HK2: variants seen among roughly 807,000 people sequenced by gnomAD.
The protein encoded by HK2 is hexokinase-2.
HK2 carries 42 observed loss-of-function variants against 92.9 expected under a neutral mutation model. The ratio of observed to expected loss-of-function variants is 0.45; its 90% confidence interval spans 0.35 to 0.58. HK2 has a LOEUF of 0.58. Among genes scored for constraint, HK2 ranks in the 20% least tolerant of loss-of-function variants. The pLI is 0.00. For missense variants in HK2, 978 were observed against 1,245.1 expected, an observed-to-expected ratio of 0.79 and a Z score of 3.23; for synonymous variants, 422 against 468.0, an observed-to-expected ratio of 0.90 and a Z score of 1.27.
chr2:74,853,080 T>G (rs1354310547), intron 1 of HK2, among the ~76,000 whole-genome samples: 1 of 152,092 alleles, frequency 6.6e-6, no homozygotes, highest in Non-Finnish European at 1.5e-5. Context: ...GAGAGAGGCC[T>G]GAAGGAGTGG....
intron 12 of HK2, among the ~76,000 whole-genome samples, chr2:74,883,212 A>G (rs1689444458): frequency 1.3e-5 from 2 of 152,200 alleles, no homozygotes; most frequent in Non-Finnish European, 2.9e-5. Context: ...ACTGCTAGGT[A>G]TAAAAGGCAT....
Position 74,885,576 on chromosome 2 carries a change from T to C in HK2, c.1922T>C (p.Ile641Thr). 1 of 1,612,290 alleles carries C rather than the reference T, an allele frequency of 6.2e-7. No individual in the cohort carries two copies. The highest frequency in any genetic ancestry group is 8.5e-7 in the Non-Finnish European group (1 of 1,178,520). Reference sequence around the variant, plus strand: ...GTGGTGACCCTGCTGAAGGAAGCGATCCACCGGCGAGAGGTAGGAGACACA... The same window carrying C: ...GTGGTGACCCTGCTGAAGGAAGCGACCCACCGGCGAGAGGTAGGAGACACA... ...EDVVTLLKEA[I>T]HRREEFDLDV... is the part of the protein sequence containing the mutation. The change falls in exon 13 of 18, where the codon ATC (isoleucine) becomes ACC (threonine). Residue 641 changes from isoleucine to threonine, a missense_variant. This residue lies in a region of HK2 where 742 missense variants were observed against 922.5 expected (regional missense o/e 0.80). Coordinates refer to ENST00000290573, the MANE Select transcript of HK2 (RefSeq NM_000189.5).
At chr2:74,889,653 C>T (rs996845851) in intron 17 of HK2, among the ~76,000 whole-genome samples, 175 bp downstream of exon 17, 2 of 152,112 alleles carry the variant, frequency 1.3e-5, no homozygotes, top group Non-Finnish European at 2.9e-5. Context: ...CTGTGTTTCA[C>T]CCCCCACCGT....
At chr2:74,880,050 T>C (rs1034319252) in intron 9 of HK2, among the ~76,000 whole-genome samples, 19 of 152,190 alleles carry the variant, frequency 1.2e-4, no homozygotes, top group Non-Finnish European at 2.2e-4. Context: ...TTTCCTTTCA[T>C]TGGCGGGGGT....
At chr2:74,856,495 G>C (rs1258906497) in intron 2 of HK2, among the ~76,000 whole-genome samples, 1 of 152,102 alleles carries the variant, frequency 6.6e-6, no homozygotes, top group African/African-American at 2.4e-5. Context: ...ACCCACTTCT[G>C]AGATTTTTAT....
chr2:74,853,696 CAA>C, intron 1 of HK2, among the ~76,000 whole-genome samples: 1 of 139,208 alleles, frequency 7.2e-6, no homozygotes, highest in South Asian at 2.3e-4. Flanking sequence ...GATACCCTGT[CAA>C]AAAAAAAAAA....
At chr2:74,867,969 C>T in intron 3 of HK2, 185 bp downstream of exon 3, 4 of 673,040 alleles carry the variant, frequency 5.9e-6, no homozygotes, top group South Asian at 3.0e-5. Context: ...TATTTTATAC[C>T]CAACATGTAC....
At chr2:74,878,529 TCCTGCC>T (rs1406605624) in intron 8 of HK2, among the ~76,000 whole-genome samples, 153 bp from the exon 9 acceptor site, 1 of 152,056 alleles carries the variant, frequency 6.6e-6, no homozygotes, top group African/African-American at 2.4e-5. Flanking sequence ...TTCCTCCTCC[TCCTGCC>T]CCTGCACAGG....
rs1471709468 is a variant in HK2 at position 74,885,669 on chromosome 2, A to G, written c.1935+80A>G. 8 of 960,350 alleles carry G rather than the reference A, an allele frequency of 8.3e-6. No individual in the cohort carries two copies. In the Admixed American group the frequency reaches 1.2e-4, roughly 14 times the overall value. The allele number at this position is 960,350 out of a possible 1,614,324, so 59.5% of individuals were successfully genotyped here. On this transcript the variant is annotated intron_variant, in intron 13 of 17. Coordinates refer to ENST00000290573, the MANE Select transcript of HK2 (RefSeq NM_000189.5). ...GTCTGTGTGTTCAGAAAGTGAAGGC[A>G]ACAGTAAGTGTGGCTGCATGGGTTG...
At chr2:74,857,641 G>A (rs1207025415) in intron 2 of HK2, among the ~76,000 whole-genome samples, 1 of 152,110 alleles carries the variant, frequency 6.6e-6, no homozygotes, top group Non-Finnish European at 1.5e-5. Context: ...ATGAGACTCT[G>A]TCTCAAAAAA....
chr2:74,873,039 C>T (rs1444854988), intron 4 of HK2, among the ~76,000 whole-genome samples: 2 of 152,234 alleles, frequency 1.3e-5, no homozygotes, highest in Non-Finnish European at 2.9e-5. Context: ...CTTGTTACCA[C>T]CGCAGTATAC....
intron 7 of HK2, 98 bp from the exon 8 acceptor site, chr2:74,877,068 G>C: frequency 2.0e-6 from 3 of 1,490,530 alleles, no homozygotes; most frequent in South Asian, 1.1e-5. Context: ...TTAACCCTTA[G>C]TTGTGAAGTT....
At position 74,877,171 on chromosome 2, in the gene HK2, A is replaced by T; in HGVS notation, c.881A>T (p.Glu294Val). 1 of 1,614,000 alleles carries T rather than the reference A, an allele frequency of 6.2e-7. No homozygotes were observed. Among genetic ancestry groups the T allele is most frequent in the Non-Finnish European group, 8.5e-7 (1 of 1,180,022 alleles). Residue 294 changes from glutamate to valine, a missense_variant, in exon 8 of 18, where the codon GAG becomes GTG. Physicochemically the swap from Glu to Val is moderately radical, Grantham distance 121 (BLOSUM62 -2). This residue lies in a region of HK2 where 742 missense variants were observed against 922.5 expected (regional missense o/e 0.80). Coordinates refer to ENST00000290573, the MANE Select transcript of HK2 (RefSeq NM_000189.5). ...TGGTTTGTGTCTTCCGGCAGGTTTG[A>T]GAAGATGATCAGTGGGATGTACATG... ...GSLNPGKQLF[E>V]KMISGMYMGE...
chr2:74,839,337 C>T (rs539518168), intron 1 of HK2, among the ~76,000 whole-genome samples: 4 of 152,150 alleles, frequency 2.6e-5, no homozygotes, highest in South Asian at 2.1e-4. Context: ...GCCATTAGTC[C>T]GCACGTATGG....
Position 74,880,548 on chromosome 2 carries a change from T to G in HK2, c.1549T>G (p.Cys517Gly). The change falls in exon 10 of 18, where the codon TGT (cysteine) becomes GGT (glycine). Residue 517 changes from cysteine (C) to glycine (G), a missense_variant. Coordinates refer to ENST00000290573, the MANE Select transcript of HK2 (RefSeq NM_000189.5). ...APVKMLPTYVCATPDGTEKGD... is the reference protein window; with the variant it reads ...APVKMLPTYVGATPDGTEKGD... Reference sequence around the variant, plus strand: ...CGTCAAGATGCTGCCCACCTACGTGTGTGCTACCCCGGACGGCACAGGTAC... The same window carrying G: ...CGTCAAGATGCTGCCCACCTACGTGGGTGCTACCCCGGACGGCACAGGTAC... 6.2e-7 allele frequency: 1 copy of G among 1,614,110 alleles called. No individual in the cohort carries two copies.
intron 1 of HK2, among the ~76,000 whole-genome samples, chr2:74,836,726 C>G (rs1239472576): frequency 6.6e-6 from 1 of 152,170 alleles, no homozygotes; most frequent in Non-Finnish European, 1.5e-5. Context: ...CTGTTTGATT[C>G]CAGTGGCAGT....
At chr2:74,865,569 G>T (rs1012647202) in intron 2 of HK2, among the ~76,000 whole-genome samples, 28 of 152,250 alleles carry the variant, frequency 1.8e-4, no homozygotes, top group African/African-American at 5.3e-4. Flanking sequence ...AAGGCTCAGA[G>T]CTGGAGTGTC....
chr2:74,862,036 ATGGTGACGG>A, intron 2 of HK2, among the ~76,000 whole-genome samples: 1 of 152,340 alleles, frequency 6.6e-6, no homozygotes, highest in East Asian at 1.9e-4. Flanking sequence ...CATGATGCTG[ATGGTGACGG>A]TGATGATGAT....
chr2:74,840,904 A>AAAAAAAG (rs869156790), intron 1 of HK2, among the ~76,000 whole-genome samples: 1 of 113,968 alleles, frequency 8.8e-6, no homozygotes, highest in Non-Finnish European at 1.8e-5. Flanking sequence ...AAAAAAAAAA[A>AAAAAAAG]GCTGTGGGGG....
Sources: allele counts gnomAD v4.1 joint callset (sites outside exome capture counted in the v4.1 genomes callset), GRCh38; gene constraint gnomAD v4.1.1; regional missense constraint gnomAD v4.1.1; transcripts MANE v1.5; gene names NCBI Gene and HGNC (gene_info 2026-07-23, HGNC 2026-07-21).